Variants in GRM8 observed in about 807,000 individuals in gnomAD.
The protein encoded by GRM8 is glutamate metabotropic receptor 8.
Under a neutral mutation model 87.2 loss-of-function variants are expected in GRM8, and 47 were observed. The ratio of observed to expected loss-of-function variants is 0.54; its 90% confidence interval spans 0.43 to 0.69. The LOEUF (loss-of-function observed/expected upper bound fraction) is 0.69. Ranked by LOEUF, GRM8 falls within the 30% of genes least tolerant of loss-of-function variation. The pLI is 0.00. For missense variants in GRM8, 1,019 were observed against 1,139.2 expected, an observed-to-expected ratio of 0.89 and a Z score of 1.52; for synonymous variants, 396 against 404.5, an observed-to-expected ratio of 0.98 and a Z score of 0.25.
intron 2 of GRM8, among the ~76,000 whole-genome samples, chr7:127,173,740 C>T (rs901260162): frequency 2.0e-5 from 3 of 152,104 alleles, no homozygotes; most frequent in East Asian, 1.9e-4. Context: ...AAGATTGATC[C>T]GTCTGATCTG....
chr7:127,034,532 C>T (rs1455303271), intron 3 of GRM8, among the ~76,000 whole-genome samples: 1 of 152,148 alleles, frequency 6.6e-6, no homozygotes, highest in Non-Finnish European at 1.5e-5. Context: ...CCCCCTGTTC[C>T]TTCCCTTTTC....
At chr7:126,444,046 A>G (rs1017447974) in intron 10 of GRM8, among the ~76,000 whole-genome samples, 1 of 151,834 alleles carries the variant, frequency 6.6e-6, no homozygotes. Context: ...TGGCAACCAT[A>G]TTTTATAAAG....
intron 7 of GRM8, among the ~76,000 whole-genome samples, chr7:126,749,345 C>T (rs1051282419): frequency 1.9e-4 from 29 of 151,690 alleles, no homozygotes; most frequent in Admixed American, 1.1e-3. Context: ...AGAGCTAAAA[C>T]TATAAAACTT....
chr7:126,782,454 A>G (rs1291676830), intron 6 of GRM8, among the ~76,000 whole-genome samples: 1 of 152,206 alleles, frequency 6.6e-6, no homozygotes, highest in Non-Finnish European at 1.5e-5. Context: ...TATTGAGGAT[A>G]ACTAAAACTT....
At chr7:126,844,054 T>C (rs935280076) in intron 6 of GRM8, among the ~76,000 whole-genome samples, 12 of 152,332 alleles carry the variant, frequency 7.9e-5, no homozygotes, top group African/African-American at 2.9e-4. Context: ...TGATTAACAA[T>C]AGCCAAGCAG....
chr7:126,643,319 A>ATGT (rs71177566), intron 7 of GRM8, among the ~76,000 whole-genome samples: 1 of 36,202 alleles, frequency 2.8e-5, no homozygotes, highest in South Asian at 1.3e-3. Context: ...AAAAAAAAAA[A>ATGT]ATATATATAT....
chr7:127,120,738 T>C (rs1310543910), intron 2 of GRM8, among the ~76,000 whole-genome samples: 1 of 152,228 alleles, frequency 6.6e-6, no homozygotes, highest in Non-Finnish European at 1.5e-5. Flanking sequence ...CTCCCTCTAA[T>C]TCACTTTATG....
intron 3 of GRM8, among the ~76,000 whole-genome samples, chr7:127,058,519 G>A (rs540528797): frequency 2.6e-5 from 4 of 152,034 alleles, no homozygotes; most frequent in South Asian, 2.1e-4. Flanking sequence ...CCTAAAATAG[G>A]ATCATATTTA....
At chr7:126,927,484 A>G (rs534276769) in intron 3 of GRM8, among the ~76,000 whole-genome samples, 6 of 152,308 alleles carry the variant, frequency 3.9e-5, no homozygotes, top group African/African-American at 1.4e-4. Flanking sequence ...AGTTTCTGCT[A>G]CTTGTGACTG....
At chr7:126,820,225 ATACAT>A (rs1167990448) in intron 6 of GRM8, among the ~76,000 whole-genome samples, 3 of 152,244 alleles carry the variant, frequency 2.0e-5, no homozygotes, top group Admixed American at 2.0e-4. Flanking sequence ...TATTGAATAA[ATACAT>A]TATATCTTCA....
At chr7:127,181,831 A>G (rs1794454345) in intron 2 of GRM8, among the ~76,000 whole-genome samples, 2 of 152,140 alleles carry the variant, frequency 1.3e-5, no homozygotes, top group African/African-American at 4.8e-5. Context: ...CTCACGTTAT[A>G]CAAAAATCAA....
In GRM8 at chr7:126,501,142, G is replaced by GT. The variant is rs1178021452; in HGVS notation, c.2430+31809dup. 2.0e-5 allele frequency among the ~76,000 whole-genome samples: 3 copies of GT among 151,946 alleles called. No homozygotes were observed. The East Asian group carries it at 5.9e-4, about 30-fold the overall frequency. On this transcript the variant is annotated intron_variant, in intron 9 of 10. Coordinates refer to ENST00000339582, the MANE Select transcript of GRM8 (RefSeq NM_000845.3). ...CAAAACTTCTGCATGAATTACTTAC[G>GT]TTTTACAGCAGAACTAGTTACAAAA...
At chr7:127,063,989 G>A (rs191704536) in intron 3 of GRM8, among the ~76,000 whole-genome samples, 34 of 152,296 alleles carry the variant, frequency 2.2e-4, no homozygotes, top group Admixed American at 3.3e-4. Flanking sequence ...GTCTGAGAGT[G>A]TGTTTGGTAT....
intron 6 of GRM8, among the ~76,000 whole-genome samples, chr7:126,781,530 A>G (rs1820075247): frequency 6.6e-6 from 1 of 152,238 alleles, no homozygotes. Flanking sequence ...AGTCAATGTG[A>G]TGACCTGCTT....
intron 7 of GRM8, among the ~76,000 whole-genome samples, chr7:126,755,697 T>A (rs1585799155): frequency 6.6e-6 from 1 of 152,038 alleles, no homozygotes; most frequent in Middle Eastern, 3.4e-3. Context: ...ATACTGATGT[T>A]TTTAGTACTT....
chr7:126,995,934 A>G (rs1441823548), intron 3 of GRM8, among the ~76,000 whole-genome samples: 4 of 152,122 alleles, frequency 2.6e-5, no homozygotes, highest in African/African-American at 9.7e-5. Context: ...AAATTCAAAG[A>G]TAAAGAATCC....
chr7:126,953,907 T>C (rs1412970592), intron 3 of GRM8, among the ~76,000 whole-genome samples: 4 of 152,154 alleles, frequency 2.6e-5, no homozygotes, highest in Non-Finnish European at 2.9e-5. Context: ...ACAACACCAG[T>C]AGTCATTCAA....
chr7:126,520,736 A>G (rs1287681028), intron 9 of GRM8, among the ~76,000 whole-genome samples: 3 of 152,106 alleles, frequency 2.0e-5, no homozygotes, highest in Non-Finnish European at 4.4e-5. Flanking sequence ...AAATAATAAG[A>G]GAGGTGGAAA....
intron 3 of GRM8, among the ~76,000 whole-genome samples, chr7:126,974,439 T>A (rs1020583989): frequency 6.7e-6 from 1 of 150,164 alleles, no homozygotes; most frequent in African/African-American, 2.4e-5. Context: ...TCCCATAACA[T>A]CACGTTGTAA....
Sources: allele counts gnomAD v4.1 joint callset (sites outside exome capture counted in the v4.1 genomes callset), GRCh38; gene constraint gnomAD v4.1.1; transcripts MANE v1.5; gene names NCBI Gene and HGNC (gene_info 2026-07-23, HGNC 2026-07-21).